The following CDH26 variants were observed in gnomAD, a reference collection of about 807,000 sequenced individuals.
CDH26 encodes cadherin-like protein 26.
Under a neutral mutation model 90.3 loss-of-function variants are expected in CDH26, and 83 were observed. That is an observed-to-expected ratio of 0.92 (90% CI 0.77 to 1.10). The LOEUF (loss-of-function observed/expected upper bound fraction) is 1.10, where lower values mean the gene tolerates loss of function less well. Ranked by LOEUF, CDH26 falls within the 50% of genes least tolerant of loss-of-function variation. The pLI is 0.00. For missense variants in CDH26, 1,013 were observed against 1,037.6 expected, an observed-to-expected ratio of 0.98 and a Z score of 0.33; for synonymous variants, 397 against 396.3, an observed-to-expected ratio of 1.00 and a Z score of -0.02.
chr20:60,034,632 G>C (rs1338615648), downstream of CDH26, among the ~76,000 whole-genome samples: 3 of 152,230 alleles, frequency 2.0e-5, no homozygotes, highest in Non-Finnish European at 4.4e-5. Context: ...CAGCTACAAA[G>C]GTCAGCCAGC....
chr20:60,006,453 G>A (rs761088817), intron 16 of CDH26, among the ~76,000 whole-genome samples: 3 of 152,206 alleles, frequency 2.0e-5, no homozygotes, highest in Non-Finnish European at 4.4e-5. Flanking sequence ...TCCTGGCCGG[G>A]CTCACTTGGG....
At chr20:60,001,098 G>C (rs1371781873) in intron 14 of CDH26, among the ~76,000 whole-genome samples, 1 of 152,140 alleles carries the variant, frequency 6.6e-6, no homozygotes, top group Non-Finnish European at 1.5e-5. Context: ...AAGAACATTA[G>C]CGTCTTCATG....
chr20:59,971,861 ATTTC>A, intron 3 of CDH26, 97 bp from the exon 4 acceptor site: 2 of 938,740 alleles, frequency 2.1e-6, no homozygotes, highest in South Asian at 3.7e-5. Context: ...GCTGGGTATA[ATTTC>A]TTAAAGATGC....
chr20:59,963,465 A>G (rs2061104121), intron 1 of CDH26, among the ~76,000 whole-genome samples: 1 of 152,028 alleles, frequency 6.6e-6, no homozygotes, highest in Admixed American at 6.6e-5. Context: ...TGCCCATAGA[A>G]CAGGATTTAA....
rs892996755 is a variant in CDH26, at chr20:60,000,169, G to T, written c.2097+506G>T. ...ACTGCCAAAGGCCCGGGGCCCCTCTGCAAGGAAGGCAGAGCGTGGAAGCCA... is the reference window on the plus strand; with the variant it reads ...ACTGCCAAAGGCCCGGGGCCCCTCTTCAAGGAAGGCAGAGCGTGGAAGCCA... On this transcript the variant is annotated intron_variant, in intron 14 of 17. Coordinates refer to ENST00000348616, the MANE Select transcript of CDH26 (RefSeq NM_177980.4). Among the ~76,000 whole-genome samples the T allele has an allele frequency of 1.1e-3, 171 of 152,202 alleles. 2 individuals carry two copies. Among genetic ancestry groups the T allele is most frequent in the Non-Finnish European group, 5.9e-5 (4 of 68,032 alleles).
chr20:59,988,459 G>A (rs1475099804), intron 8 of CDH26, among the ~76,000 whole-genome samples: 1 of 152,234 alleles, frequency 6.6e-6, no homozygotes, highest in Non-Finnish European at 1.5e-5. Flanking sequence ...AGGCTCTGTA[G>A]ACGCTGCACC....
intron 4 of CDH26, among the ~76,000 whole-genome samples, chr20:59,975,392 C>T (rs1049713231): frequency 6.6e-6 from 1 of 152,132 alleles, no homozygotes; most frequent in African/African-American, 2.4e-5. Flanking sequence ...AGGAGAGGCC[C>T]GGAAGAGTCT....
intron 10 of CDH26, among the ~76,000 whole-genome samples, chr20:59,993,166 A>G (rs2061548837): frequency 6.6e-6 from 1 of 152,280 alleles, no homozygotes; most frequent in African/African-American, 2.4e-5. Flanking sequence ...CGTGTTCCTA[A>G]TCAGCATTAA....
intron 1 of CDH26, 81 bp from the exon 2 acceptor site, chr20:59,968,886 A>G (rs1319315882): frequency 3.1e-6 from 2 of 648,206 alleles, no homozygotes; most frequent in African/African-American, 1.8e-5. Flanking sequence ...TTCTAATTCT[A>G]GATTTGTGCA....
chr20:60,006,657 T>G, intron 16 of CDH26, 56 bp from the exon 17 acceptor site: 1 of 1,281,758 alleles, frequency 7.8e-7, no homozygotes, highest in Non-Finnish European at 1.1e-6. Flanking sequence ...ACACAGGGGT[T>G]GGGGGGTAGG....
At chr20:59,963,069 AT>A (rs1487969563) in intron 1 of CDH26, among the ~76,000 whole-genome samples, 2 of 152,216 alleles carry the variant, frequency 1.3e-5, no homozygotes, top group East Asian at 3.9e-4. Context: ...TGAGTGTTGT[AT>A]GTTAAAAAGG....
intron 4 of CDH26, among the ~76,000 whole-genome samples, chr20:59,975,655 A>C (rs2061319938): frequency 6.6e-6 from 1 of 152,284 alleles, no homozygotes; most frequent in Admixed American, 6.5e-5. Flanking sequence ...TGTCCTAAAC[A>C]CTACACAAAT....
intron 17 of CDH26, among the ~76,000 whole-genome samples, chr20:60,008,683 ACTGT>A (rs566363564): frequency 2.7e-3 from 417 of 152,278 alleles, no homozygotes; most frequent in African/African-American, 9.6e-3. Flanking sequence ...ATGTAGAGTC[ACTGT>A]CTGGGGTTTC....
intron 7 of CDH26, among the ~76,000 whole-genome samples, chr20:60,029,364 A>G (rs1237331035): frequency 6.6e-6 from 1 of 152,062 alleles, no homozygotes; most frequent in Non-Finnish European, 1.5e-5. Context: ...ATAGTCAACA[A>G]CGTAGCATCT....
rs2062034467 is a variant in CDH26, at chr20:60,030,796, T to G, written c.948-435T>G. Reference sequence around the variant, plus strand: ...TGGAGTGGGTTCTAATGACATTGCTTAAGTCCTGCACCTAGTTAAGAAGCC... The same window carrying G: ...TGGAGTGGGTTCTAATGACATTGCTGAAGTCCTGCACCTAGTTAAGAAGCC... On this transcript the variant is annotated intron_variant, in intron 7 of 8. Transcript: ENST00000370991. This position sits in a 1 kb window ranked among gnomAD's most constrained non-coding sequence, Gnocchi z 4.0. Among the ~76,000 whole-genome samples, 1 of 152,174 alleles carries G rather than the reference T, an allele frequency of 6.6e-6. No homozygotes were observed.
At chr20:59,963,782 T>C (rs194978) in intron 1 of CDH26, among the ~76,000 whole-genome samples, 2,903 of 152,018 alleles carry the variant, frequency 0.019, 99 homozygotes, top group African/African-American at 0.067. Flanking sequence ...GAATCTCTCA[T>C]AGGAAATTCT....
intron 4 of CDH26, among the ~76,000 whole-genome samples, chr20:59,981,747 C>T (rs966563706): frequency 1.3e-5 from 2 of 152,002 alleles, no homozygotes; most frequent in Non-Finnish European, 2.9e-5. Flanking sequence ...AAAAATTTGA[C>T]TTTGTATTAT....
chr20:60,021,855 C>CACACACACACACACACACAT (rs2061954565), intron 7 of CDH26, among the ~76,000 whole-genome samples: 2 of 58,980 alleles, frequency 3.4e-5, no homozygotes, highest in African/African-American at 1.2e-4. Flanking sequence ...TCTGTACACA[C>CACACACACACACACACACAT]ACACACACAC....
rs912193180 is a variant in CDH26 at position 60,033,601 on chromosome 20, C to T, written c.1260C>T (p.Asn420=). ...GTGCGCATTCCCCATCACCCCTTAA[C>T]AAAAAGGCATGTTTCCCAGGAGACT... The change falls in exon 9 of 9, where the codon AAC becomes AAT. Residue 420 remains asparagine (N), a synonymous_variant. Transcript: ENST00000370991. The T allele has an allele frequency of 5.4e-6, 7 of 1,304,658 alleles. No homozygotes were observed. The Admixed American group carries it at 6.9e-5, about 13-fold the overall frequency. 80.8% of individuals were successfully genotyped at this position (1,304,658 alleles called of 1,614,324 possible).
Sources: allele counts gnomAD v4.1 joint callset (sites outside exome capture counted in the v4.1 genomes callset), GRCh38; gene constraint gnomAD v4.1.1; non-coding constraint Gnocchi (gnomAD v3.1); transcripts MANE v1.5; gene names NCBI Gene and HGNC (gene_info 2026-07-23, HGNC 2026-07-21).